Variants in GFOD2 observed in about 807,000 individuals in gnomAD.
GFOD2 encodes glucose-fructose oxidoreductase domain-containing protein 2.
In GFOD2, 9 loss-of-function variants were observed where a neutral mutation model predicts 24.6. That is an observed-to-expected ratio of 0.37 (90% confidence interval 0.22 to 0.64). The LOEUF is 0.64. GFOD2 is among the 30% of genes least tolerant of loss of function. GFOD2 has a pLI of 0.65. For synonymous variants in GFOD2, 211 were observed against 224.8 expected, an observed-to-expected ratio of 0.94 and a Z score of 0.55; for missense variants, 476 against 532.5, an observed-to-expected ratio of 0.89 and a Z score of 1.04.
chr16:67,683,617 C>A (rs1239931067), intron 2 of GFOD2: 12 of 1,231,664 alleles, frequency 9.7e-6, no homozygotes, highest in Non-Finnish European at 1.2e-5. Flanking sequence ...CCAAAACTTA[C>A]TTGCTCCAAA....
intron 1 of GFOD2, among the ~76,000 whole-genome samples, chr16:67,688,719 T>C (rs2053286417): frequency 6.6e-6 from 1 of 151,520 alleles, no homozygotes; most frequent in Non-Finnish European, 1.5e-5. Context: ...TGTAGTACAA[T>C]ATACATAAAA....
intron 2 of GFOD2, among the ~76,000 whole-genome samples, chr16:67,679,496 G>A (rs186541044): frequency 5.3e-5 from 8 of 152,062 alleles, no homozygotes; most frequent in African/African-American, 1.2e-4. Context: ...TTGGCCTCCC[G>A]AAGTGCTGGG....
intron 1 of GFOD2, among the ~76,000 whole-genome samples, chr16:67,697,073 T>C (rs548529303): frequency 6.6e-6 from 1 of 152,302 alleles, no homozygotes; most frequent in East Asian, 1.9e-4. Flanking sequence ...ACATTTCCCA[T>C]CACCACATGC....
chr16:67,702,816 T>C (rs540696745), intron 1 of GFOD2, among the ~76,000 whole-genome samples: 2 of 151,882 alleles, frequency 1.3e-5, no homozygotes, highest in African/African-American at 2.4e-5. Flanking sequence ...CAGGCTAGTA[T>C]TGAACTCCTG....
rs537961769 is a variant in GFOD2, at chr16:67,692,843, G to A, written c.-87-7041C>T. 2.0e-5 allele frequency among the ~76,000 whole-genome samples: 3 copies of A among 151,596 alleles called. No homozygotes were observed. The South Asian group carries it at 6.3e-4, about 32-fold the overall frequency. On this transcript the variant is annotated intron_variant, in intron 1 of 2. Coordinates refer to ENST00000268797, the MANE Select transcript of GFOD2 (RefSeq NM_030819.4). The stretch of plus-strand genomic sequence containing the variant: ...AGATTGAGACCATCCTGGCTAACAT[G>A]GTAAAACCCCGTCTCTACTAAAAAT...
intron 1 of GFOD2, among the ~76,000 whole-genome samples, chr16:67,707,058 C>CA (rs34823143): frequency 0.25 from 26,009 of 102,682 alleles, 2,919 homozygotes; most frequent in Non-Finnish European, 0.3. Context: ...GACTCCATCT[C>CA]AAAAAAAAAA....
At chr16:67,697,180 G>A (rs2053365250) in intron 1 of GFOD2, among the ~76,000 whole-genome samples, 1 of 152,050 alleles carries the variant, frequency 6.6e-6, no homozygotes, top group Admixed American at 6.6e-5. Context: ...TTTCCAGCTG[G>A]GTGACCTCAG....
chr16:67,703,628 T>C (rs1250540949), intron 1 of GFOD2, among the ~76,000 whole-genome samples: 2 of 152,130 alleles, frequency 1.3e-5, no homozygotes, highest in Non-Finnish European at 2.9e-5. Flanking sequence ...AAAACACAAT[T>C]TCTTGCAGAT....
chr16:67,715,684 A>G (rs2053501321), intron 1 of GFOD2, among the ~76,000 whole-genome samples: 1 of 152,204 alleles, frequency 6.6e-6, no homozygotes, highest in African/African-American at 2.4e-5. Flanking sequence ...CTACTTTTGA[A>G]TGCAAGAAAG....
chr16:67,709,805 C>T (rs547247090), intron 1 of GFOD2, among the ~76,000 whole-genome samples: 1 of 152,074 alleles, frequency 6.6e-6, no homozygotes, highest in South Asian at 2.1e-4. Flanking sequence ...TTGGTAGAGA[C>T]GGGGTTTCCC....
At chr16:67,697,671 T>G (rs1419561105) in intron 1 of GFOD2, among the ~76,000 whole-genome samples, 2 of 152,194 alleles carry the variant, frequency 1.3e-5, no homozygotes, top group African/African-American at 4.8e-5. Flanking sequence ...TTTTGTAACA[T>G]GTGCATGTGT....
intron 2 of GFOD2, 168 bp downstream of exon 2, chr16:67,685,289 T>G: frequency 6.9e-7 from 1 of 1,449,966 alleles, no homozygotes; most frequent in South Asian, 1.4e-5. Flanking sequence ...GGCTATGTCT[T>G]TTTTCATGCC....
At position 67,674,861 on chromosome 16, in the gene GFOD2, C is replaced by T. The variant is rs1016074260; in HGVS notation, c.*294G>A. On this transcript the variant is annotated 3_prime_UTR_variant, in exon 3 of 3. Transcript: ENST00000268797. Reference sequence around the variant, plus strand: ...TAGGACTGCGGATCAGGCTGAAGGGCTCCCCAGGGTGAGCCTTTCCTGGTC... The same window carrying T: ...TAGGACTGCGGATCAGGCTGAAGGGTTCCCCAGGGTGAGCCTTTCCTGGTC... The T allele has an allele frequency of 7.4e-6, 3 of 403,780 alleles. No homozygotes were observed. Among genetic ancestry groups the T allele is most frequent in the Admixed American group, 8.2e-5 (2 of 24,322 alleles). 25.0% of individuals were successfully genotyped at this position (403,780 alleles called of 1,614,324 possible).
intron 1 of GFOD2, among the ~76,000 whole-genome samples, chr16:67,687,407 G>A (rs928497020): frequency 2.6e-5 from 4 of 151,596 alleles, no homozygotes; most frequent in Admixed American, 6.6e-5. Flanking sequence ...TTGGGAGGCC[G>A]AGGCGGGCGG....
At chr16:67,688,882 C>A (rs770738045) in intron 1 of GFOD2, among the ~76,000 whole-genome samples, 3 of 150,920 alleles carry the variant, frequency 2.0e-5, no homozygotes, top group Non-Finnish European at 4.4e-5. Context: ...CTACAGACGC[C>A]CCCCCACCAT....
At position 67,675,944 on chromosome 16, in the gene GFOD2, C is replaced by A; in HGVS notation, c.369G>T (p.Val123=). Residue 123 remains valine (V), a synonymous_variant, in exon 3 of 3, where the codon GTG becomes GTT. Coordinates refer to ENST00000268797, the MANE Select transcript of GFOD2 (RefSeq NM_030819.4). ...YPQLMSLVGN[V]LRFLPAFVRM... is the part of the protein sequence containing the mutation. ...GCACGAAGGCAGGCAGGAAGCGCAG[C>A]ACGTTCCCTACCAGGCTCATGAGCT... 1 of 1,614,214 alleles carries A rather than the reference C, an allele frequency of 6.2e-7. No individual in the cohort carries two copies. The highest frequency in any genetic ancestry group is 8.5e-7 in the Non-Finnish European group (1 of 1,180,040).
intron 2 of GFOD2, among the ~76,000 whole-genome samples, chr16:67,679,882 G>A (rs1337387654): frequency 2.7e-5 from 4 of 149,338 alleles, no homozygotes; most frequent in Admixed American, 6.7e-5. Context: ...GCGAGACTTC[G>A]TCTCAAAAAA....
intron 1 of GFOD2, among the ~76,000 whole-genome samples, chr16:67,710,412 A>T (rs752447081): frequency 6.6e-6 from 1 of 151,302 alleles, no homozygotes; most frequent in South Asian, 2.1e-4. Context: ...GACGAAGTGG[A>T]GAAGTGCAGT....
chr16:67,713,037 C>A (rs2053486898), intron 1 of GFOD2, among the ~76,000 whole-genome samples: 1 of 142,216 alleles, frequency 7.0e-6, no homozygotes, highest in African/African-American at 3.0e-5. Flanking sequence ...CATGCACCAC[C>A]ACACCCAGCT....
Sources: allele counts gnomAD v4.1 joint callset (sites outside exome capture counted in the v4.1 genomes callset), GRCh38; gene constraint gnomAD v4.1.1; transcripts MANE v1.5; gene names NCBI Gene and HGNC (gene_info 2026-07-23, HGNC 2026-07-21).